Variants in RIMS1 observed in about 807,000 individuals in gnomAD.
The protein encoded by RIMS1 is regulating synaptic membrane exocytosis 1, also known as regulating synaptic membrane exocytosis protein 1.
In RIMS1, 83 loss-of-function variants were observed where a neutral mutation model predicts 214.1. The observed-to-expected ratio is 0.39, with a 90% CI of 0.32 to 0.47. RIMS1 has a LOEUF of 0.47. Ranked by LOEUF, RIMS1 falls within the 20% of genes least tolerant of loss-of-function variation. RIMS1 has a pLI of 0.99. For missense variants in RIMS1, 2,050 were observed against 2,161.8 expected (o/e 0.95, Z 1.03); for synonymous variants, 793 against 786.8 (o/e 1.01, Z -0.13).
chr6:71,966,276 G>T (rs1465065621), intron 1 of RIMS1, among the ~76,000 whole-genome samples: 1 of 152,166 alleles, frequency 6.6e-6, no homozygotes, highest in Non-Finnish European at 1.5e-5. Context: ...TATGGAAAAT[G>T]TGTTGTTTTC....
intron 4 of RIMS1, among the ~76,000 whole-genome samples, chr6:72,100,432 C>T (rs1412728759): frequency 6.6e-6 from 1 of 151,998 alleles, no homozygotes; most frequent in Non-Finnish European, 1.5e-5. Context: ...AATTATTTTT[C>T]TATAGAACAC....
chr6:72,109,111 T>G (rs947548818), intron 4 of RIMS1, among the ~76,000 whole-genome samples: 2 of 152,128 alleles, frequency 1.3e-5, no homozygotes, highest in African/African-American at 2.4e-5. Context: ...TGTTGGACAT[T>G]TGGGTTGGTT....
At chr6:72,250,185 A>G in intron 12 of RIMS1, 145 bp from the exon 13 acceptor site, 1 of 728,288 alleles carries the variant, frequency 1.4e-6, no homozygotes, top group Non-Finnish European at 2.2e-6. Flanking sequence ...TATGCTTTCA[A>G]ATTGGTGTGT....
intron 2 of RIMS1, among the ~76,000 whole-genome samples, chr6:72,062,537 T>C (rs1361330746): frequency 6.6e-6 from 1 of 152,196 alleles, no homozygotes; most frequent in Non-Finnish European, 1.5e-5. Context: ...AAGCAGACTC[T>C]GAGATAATAG....
chr6:72,234,776 A>G (rs745428879), intron 7 of RIMS1, among the ~76,000 whole-genome samples: 7 of 151,954 alleles, frequency 4.6e-5, no homozygotes, highest in South Asian at 4.1e-4. Flanking sequence ...TTTAGTTTCT[A>G]TAGTTTTTCC....
chr6:72,358,194 G>C (rs1029973650), intron 29 of RIMS1, among the ~76,000 whole-genome samples: 2 of 151,960 alleles, frequency 1.3e-5, no homozygotes. Flanking sequence ...TGATAGATTA[G>C]AAGCATAGGT....
intron 2 of RIMS1, among the ~76,000 whole-genome samples, chr6:72,091,452 A>G (rs1171471970): frequency 2.0e-5 from 3 of 152,252 alleles, no homozygotes; most frequent in South Asian, 2.1e-4. Flanking sequence ...CAACAAATAC[A>G]TATTAATTTG....
chr6:71,887,248 C>A, intron 1 of RIMS1, 61 bp downstream of exon 1: 1 of 1,550,858 alleles, frequency 6.4e-7, no homozygotes. Context: ...ATTCACCACT[C>A]ACTCCCCTAG....
Position 72,011,972 on chromosome 6 carries a change from A to G in RIMS1, c.245+42909A>G, listed in dbSNP as rs529132900. 3.9e-5 allele frequency among the ~76,000 whole-genome samples: 6 copies of G among 152,336 alleles called. 1 individual carries two copies. The South Asian group carries it at 1.2e-3, about 32-fold the overall frequency. ...AAATATCATTTGACCCAGCCATCCC[A>G]TTACTGGGTATATACCCAAAGGATT... On this transcript the variant is annotated intron_variant, in intron 2 of 33. Coordinates refer to ENST00000521978, the MANE Select transcript of RIMS1 (RefSeq NM_014989.7).
chr6:71,993,545 C>T (rs1802513135), intron 2 of RIMS1, among the ~76,000 whole-genome samples: 1 of 152,050 alleles, frequency 6.6e-6, no homozygotes, highest in Admixed American at 6.6e-5. Context: ...AGAAATTAAC[C>T]ATGGAGTGAA....
At chr6:71,932,040 T>G (rs1783196022) in intron 1 of RIMS1, among the ~76,000 whole-genome samples, 1 of 152,086 alleles carries the variant, frequency 6.6e-6, no homozygotes, top group South Asian at 2.1e-4. Flanking sequence ...AAGTGTAAAT[T>G]AGTTCAACCA....
intron 4 of RIMS1, among the ~76,000 whole-genome samples, chr6:72,169,951 C>A (rs2046797016): frequency 6.6e-6 from 1 of 152,108 alleles, no homozygotes; most frequent in Admixed American, 6.5e-5. Context: ...TCCTCAGAAT[C>A]TTCCAATGGC....
chr6:72,110,376 T>A (rs1326234210), intron 4 of RIMS1, among the ~76,000 whole-genome samples: 2 of 151,640 alleles, frequency 1.3e-5, no homozygotes, highest in Admixed American at 6.6e-5. Flanking sequence ...CTTTTATTTC[T>A]TTGAGCAGTG....
chr6:72,170,498 C>T (rs1171885765), intron 4 of RIMS1, among the ~76,000 whole-genome samples: 2 of 152,104 alleles, frequency 1.3e-5, no homozygotes, highest in African/African-American at 4.8e-5. Context: ...TGCCCACCAC[C>T]ACGCCTGGCT....
At chr6:72,320,227 G>T (rs764429117) in intron 28 of RIMS1, among the ~76,000 whole-genome samples, 1 of 152,066 alleles carries the variant, frequency 6.6e-6, no homozygotes, top group Non-Finnish European at 1.5e-5. Flanking sequence ...GAACCTTATT[G>T]TCTCCAAGAA....
intron 12 of RIMS1, among the ~76,000 whole-genome samples, chr6:72,250,030 C>T (rs2072432557): frequency 6.6e-6 from 1 of 151,926 alleles, no homozygotes; most frequent in Non-Finnish European, 1.5e-5. Flanking sequence ...GATTTTATGT[C>T]TCCCTCTTCC....
At chr6:72,037,088 A>G (rs1004458253) in intron 2 of RIMS1, among the ~76,000 whole-genome samples, 6 of 151,518 alleles carry the variant, frequency 4.0e-5, no homozygotes, top group African/African-American at 1.5e-4. Flanking sequence ...TAAAATCCTT[A>G]GTGAACTGAG....
At chr6:71,907,923 G>C (rs1775741750) in intron 1 of RIMS1, among the ~76,000 whole-genome samples, 1 of 152,164 alleles carries the variant, frequency 6.6e-6, no homozygotes, top group African/African-American at 2.4e-5. Flanking sequence ...ACTTAAAAAG[G>C]ATTTGGGTAA....
intron 2 of RIMS1, among the ~76,000 whole-genome samples, chr6:71,992,008 G>A (rs1268100949): frequency 6.6e-6 from 1 of 151,968 alleles, no homozygotes; most frequent in Admixed American, 6.6e-5. Flanking sequence ...AGGTTGCAGT[G>A]AGCTGAGATC....
Sources: allele counts gnomAD v4.1 joint callset (sites outside exome capture counted in the v4.1 genomes callset), GRCh38; gene constraint gnomAD v4.1.1; transcripts MANE v1.5; gene names NCBI Gene and HGNC (gene_info 2026-07-23, HGNC 2026-07-21).